Variants in AARS2 observed in about 807,000 individuals in gnomAD.
AARS2 encodes the protein alanyl-tRNA synthetase 2, mitochondrial, also known as alanine--tRNA ligase, mitochondrial.
In AARS2, 78 loss-of-function variants were observed where a neutral mutation model predicts 119.7. The observed-to-expected ratio is 0.65, with a 90% confidence interval of 0.54 to 0.79. AARS2 has a LOEUF of 0.79. AARS2 is among the 30% of genes least tolerant of loss of function. The pLI is 0.00. For synonymous variants in AARS2, 502 were observed against 526.3 expected, an observed-to-expected ratio of 0.95 and a Z score of 0.63; for missense variants, 1,157 against 1,291.3, an observed-to-expected ratio of 0.90 and a Z score of 1.59.
At position 44,311,099 on chromosome 6, in the gene AARS2, G is replaced by T; in HGVS notation, c.644C>A (p.Thr215Asn). 1 of 1,614,100 alleles carries T rather than the reference G, an allele frequency of 6.2e-7. No individual in the cohort carries two copies. Among genetic ancestry groups the T allele is most frequent in the Non-Finnish European group, 8.5e-7 (1 of 1,180,038 alleles). ...CTCAGTACAGGGCCCACAAGGGCCA[G>T]TATCCCCCATCTCCCAGAAGTTCTC... ...PQENFWEMGDTGPCGPCTEIH... is the reference protein window; with the variant it reads ...PQENFWEMGDNGPCGPCTEIH... Residue 215 changes from threonine to asparagine, a missense_variant, in exon 4 of 22, where the codon ACT becomes AAT. Physicochemically the swap from Thr to Asn is moderately conservative, Grantham distance 65 (BLOSUM62 0). Transcript: ENST00000244571.
intron 21 of AARS2, 90 bp from the exon 22 acceptor site, chr6:44,300,801 C>A: frequency 6.7e-7 from 1 of 1,489,622 alleles, no homozygotes; most frequent in South Asian, 1.2e-5. Flanking sequence ...AGCTGAAGGT[C>A]ATCAGTGCCC....
At chr6:44,302,288 G>A in intron 18 of AARS2, 103 bp downstream of exon 18, 1 of 1,610,210 alleles carries the variant, frequency 6.2e-7, no homozygotes, top group Non-Finnish European at 8.5e-7. Context: ...GCCAGCTGGA[G>A]CCCAACCCAA....
chr6:44,311,575 GT>G, intron 2 of AARS2, 40 bp from the exon 3 acceptor site: 1 of 1,610,274 alleles, frequency 6.2e-7, no homozygotes, highest in South Asian at 1.1e-5. Flanking sequence ...GGGAAGACGG[GT>G]GAGAGGGAGA....
rs374971594 is a variant in AARS2, at chr6:44,303,326, G to C, written c.2105C>G (p.Ala702Gly). The change falls in exon 15 of 22, where the codon GCG becomes GGG. Residue 702 changes from alanine to glycine, a missense_variant. Coordinates refer to ENST00000244571, the MANE Select transcript of AARS2 (RefSeq NM_020745.4). ...CAGGCCAGGGACCTGGGCAGTGAGCGCCAGGGGCACCTCCTCCATGTACAC... is the reference window on the plus strand; with the variant it reads ...CAGGCCAGGGACCTGGGCAGTGAGCCCCAGGGGCACCTCCTCCATGTACAC... ...EAVYMEEVPL[A>G]LTAQVPGLRS... 1 of 1,614,046 alleles carries C rather than the reference G, an allele frequency of 6.2e-7. No homozygotes were observed. Among genetic ancestry groups the C allele is most frequent in the Non-Finnish European group, 8.5e-7 (1 of 1,180,034 alleles).
chr6:44,312,371 T>C lies in AARS2; in HGVS notation c.244-108A>G, dbSNP rs547848204. On this transcript the variant is annotated intron_variant, in intron 1 of 21. Transcript: ENST00000244571. ...GGCTGTTCAGACCGAAGGCTGACTG[T>C]GCCCCTGAGAGTGCAGTGTAATCTT... 5.9e-5 allele frequency: 68 copies of C among 1,156,686 alleles called. No individual in the cohort carries two copies. The African/African-American group carries it at 9.2e-4, about 16-fold the overall frequency. The allele number at this position is 1,156,686 out of a possible 1,614,324, so 71.7% of individuals were successfully genotyped here.
intron 18 of AARS2, 32 bp downstream of exon 18, chr6:44,302,359 G>A: frequency 6.2e-7 from 1 of 1,613,972 alleles, no homozygotes; most frequent in Non-Finnish European, 8.5e-7. Context: ...AATAGGGCTA[G>A]GAGAGGGTGG....
At chr6:44,304,099 A>T in intron 14 of AARS2, 82 bp downstream of exon 14, 6 of 1,599,762 alleles carry the variant, frequency 3.8e-6, no homozygotes, top group South Asian at 3.3e-5. Flanking sequence ...CCAGGACTCT[A>T]AGGGCAACCC....
Position 44,300,952 on chromosome 6 carries a change from A to G in AARS2, c.2793+204T>C. ...ATGTGAGGCCTGGGAGGGGTTAGGA[A>G]TTAAGGAATCTCTTGGTGCCTTCTG... On this transcript the variant is annotated intron_variant, in intron 21 of 21. Transcript: ENST00000244571. The G allele has an allele frequency of 5.6e-6, 4 of 715,190 alleles. No individual in the cohort carries two copies. The Admixed American group carries it at 9.9e-5, about 18-fold the overall frequency. The allele number at this position is 715,190 out of a possible 1,614,324, so 44.3% of individuals were successfully genotyped here. A position where few individuals can be genotyped will look rare whatever the true frequency, so the allele number is the denominator to read the frequency against.
intron 7 of AARS2, 43 bp from the exon 8 acceptor site, chr6:44,306,575 A>C (rs1393256555): frequency 6.2e-7 from 1 of 1,612,536 alleles, no homozygotes. Context: ...AAAGGCAACC[A>C]ACCCACCCCC....
chr6:44,301,904 C>T (rs1160942404), intron 19 of AARS2, among the ~76,000 whole-genome samples, 156 bp downstream of exon 19: 1 of 151,430 alleles, frequency 6.6e-6, no homozygotes, highest in African/African-American at 2.4e-5. Flanking sequence ...GGGGGAATGG[C>T]CTGGGTGATG....
rs1196560431 is a variant in AARS2, at chr6:44,299,483, T to C, written c.*1064A>G. ...GTCTTGCTGTTTGCGCAGGCTGGTC[T>C]TGCACTTCTGGCCTCAAGCGATTCT... On this transcript the variant is annotated 3_prime_UTR_variant, in exon 22 of 22. Transcript: ENST00000244571. 1.3e-5 allele frequency among the ~76,000 whole-genome samples: 2 copies of C among 151,832 alleles called. No homozygotes were observed. The highest frequency in any genetic ancestry group is 4.8e-5 in the African/African-American group (2 of 41,314).
At chr6:44,304,101 G>C (rs983922458) in intron 14 of AARS2, 80 bp downstream of exon 14, 1 of 1,602,666 alleles carries the variant, frequency 6.2e-7, no homozygotes. Flanking sequence ...AGGACTCTAA[G>C]GGCAACCCGC....
chr6:44,310,188 T>C (rs1786223535), intron 5 of AARS2, 111 bp downstream of exon 5: 3 of 1,410,532 alleles, frequency 2.1e-6, no homozygotes, highest in East Asian at 2.5e-5. Context: ...TGGTTGGTTA[T>C]TGTCCTCAGA....
chr6:44,307,009 G>A lies in AARS2; in HGVS notation c.1063C>T (p.Arg355Cys), dbSNP rs762132107. ...GPPLVLRRIL[R>C]RAVRFSMEIL... ...TCCATGGAGAAACGCACAGCTCGAC[G>A]CAGGATCCGACGAAGAACCAGCCTA... Residue 355 changes from arginine (R) to cysteine (C), a missense_variant, in exon 7 of 22, where the codon CGT becomes TGT. By Grantham distance (180) the Arg-to-Cys change is radical. Coordinates refer to ENST00000244571, the MANE Select transcript of AARS2 (RefSeq NM_020745.4). The surrounding 1 kb of genome is among the most constrained non-coding windows in gnomAD (Gnocchi z 4.4). 8.7e-6 allele frequency: 14 copies of A among 1,613,938 alleles called. No individual in the cohort carries two copies. Among genetic ancestry groups the A allele is most frequent in the East Asian group, 2.2e-5 (1 of 44,882 alleles).
intron 4 of AARS2, 38 bp from the exon 5 acceptor site, chr6:44,310,481 G>A: frequency 6.2e-7 from 1 of 1,610,438 alleles, no homozygotes; most frequent in Non-Finnish European, 8.5e-7. Context: ...GCCCCACCCA[G>A]GATTACAGGT....
chr6:44,302,892 C>A lies in AARS2; in HGVS notation c.2274G>T (p.Gly758=). 6.2e-7 allele frequency: 1 copy of A among 1,614,142 alleles called. No homozygotes were observed. ...CGATGATAACCAGGTCCCCTACAGC[C>A]CCAGTACGTAACAGGTGCCTGTGGG... ...LCCGTHLLRT[G]AVGDLVIIGD... Residue 758 remains glycine, a synonymous_variant, in exon 17 of 22, where the codon GGG becomes GGT. Transcript: ENST00000244571.
chr6:44,300,793 C>T (rs1785290080), intron 21 of AARS2, 82 bp from the exon 22 acceptor site: 2 of 1,528,914 alleles, frequency 1.3e-6, no homozygotes, highest in Admixed American at 3.6e-5. Context: ...AAGAGTGGAG[C>T]TGAAGGTCAT....
chr6:44,307,090 G>A lies in AARS2; in HGVS notation c.1041-59C>T. 6.2e-7 allele frequency: 1 copy of A among 1,600,930 alleles called. No individual in the cohort carries two copies. Among genetic ancestry groups the A allele is most frequent in the East Asian group, 2.2e-5 (1 of 44,618 alleles). ...AGCGGCTCATGGTCAGCAATATGGG[G>A]AGTGGGAAGGACGAGGTCCAGTGTG... On this transcript the variant is annotated intron_variant, in intron 6 of 21. Transcript: ENST00000244571. The surrounding 1 kb of genome is among the most constrained non-coding windows in gnomAD (Gnocchi z 4.4).
At position 44,311,504 on chromosome 6, in the gene AARS2, A is replaced by G. The variant is rs1236053130; in HGVS notation, c.467T>C (p.Leu156Pro). ...CTCAGGGATCCCATAGACCTGAGTC[A>G]GCAGTTCCCAGGCCATGTTACAAGC... ...EEACNMAWEL[L>P]TQVYGIPEER... The change falls in exon 3 of 22, where the codon CTG becomes CCG. Residue 156 changes from leucine to proline, a missense_variant. Transcript: ENST00000244571. 1.9e-6 allele frequency: 3 copies of G among 1,613,916 alleles called. No homozygotes were observed. Among genetic ancestry groups the G allele is most frequent in the Non-Finnish European group, 2.5e-6 (3 of 1,180,006 alleles).
Sources: gnomAD v4.1 joint callset for allele counts (sites outside exome capture counted in the v4.1 genomes callset) on GRCh38, gnomAD v4.1.1 for gene constraint, Gnocchi (gnomAD v3.1) non-coding constraint, MANE v1.5 for transcripts, NCBI Gene and HGNC (gene_info 2026-07-23, HGNC 2026-07-21) for gene names.